The following PRDM5 variants were observed in gnomAD, a reference collection of about 807,000 sequenced individuals.
PRDM5 encodes the protein PR/SET domain 5.
In PRDM5, 56 loss-of-function variants were observed where a neutral mutation model predicts 81.2. That is an observed-to-expected ratio of 0.69 (90% CI 0.56 to 0.86). The LOEUF (loss-of-function observed/expected upper bound fraction) is 0.86. PRDM5 is among the 40% of genes least tolerant of loss of function. PRDM5 has a pLI of 0.00. For missense variants in PRDM5, 697 were observed against 770.1 expected (o/e 0.91, Z 1.12); for synonymous variants, 267 against 256.4 (o/e 1.04, Z -0.39).
chr4:120,833,999 A>G (rs1207555606), intron 3 of PRDM5, among the ~76,000 whole-genome samples: 1 of 152,176 alleles, frequency 6.6e-6, no homozygotes, highest in Non-Finnish European at 1.5e-5. Flanking sequence ...AAGCACTAAG[A>G]AAAGTAGATT....
chr4:120,884,019 T>C (rs1389963263), intron 2 of PRDM5, among the ~76,000 whole-genome samples: 3 of 152,148 alleles, frequency 2.0e-5, no homozygotes, highest in Non-Finnish European at 2.9e-5. Flanking sequence ...AAAACTGCTA[T>C]GAAAAATTCA....
intron 7 of PRDM5, chr4:120,812,983 T>C (rs1754047178): frequency 6.2e-6 from 1 of 161,264 alleles, no homozygotes; most frequent in African/African-American, 2.4e-5. Flanking sequence ...GCTGGGTTTT[T>C]TAAGATAGAA....
In PRDM5 at chr4:120,915,199, C is replaced by T. The variant is rs565289028; in HGVS notation, c.93+7317G>A. Among the ~76,000 whole-genome samples the T allele has an allele frequency of 7.2e-5, 11 of 152,182 alleles. No individual in the cohort carries two copies. In the South Asian group the frequency reaches 1.7e-3, roughly 23 times the overall value. On this transcript the variant is annotated intron_variant, in intron 1 of 15. Transcript: ENST00000264808. ...ACCAAGAAGGTTAGTAAGAGTATCA[C>T]TACTATCCTAACAATGAGAATGATA...
intron 12 of PRDM5, 112 bp downstream of exon 12, chr4:120,781,031 T>C (rs1748959049): frequency 3.1e-6 from 3 of 961,034 alleles, no homozygotes; most frequent in South Asian, 3.2e-5. Flanking sequence ...ATTTGTCATT[T>C]TGAGTAAATA....
At chr4:120,907,670 A>G (rs189614565) in intron 1 of PRDM5, 113 bp from the exon 2 acceptor site, 4 of 841,502 alleles carry the variant, frequency 4.8e-6, no homozygotes, top group South Asian at 2.8e-5. Flanking sequence ...CCCAAAGAAG[A>G]GATGCTTTTG....
intron 14 of PRDM5, among the ~76,000 whole-genome samples, chr4:120,716,227 A>G (rs1305285985): frequency 6.6e-6 from 1 of 152,232 alleles, no homozygotes; most frequent in Non-Finnish European, 1.5e-5. Context: ...CGTTGAAATT[A>G]TATTACCTTT....
At chr4:120,774,868 G>GTC (rs151074819) in intron 13 of PRDM5, among the ~76,000 whole-genome samples, 1,982 of 134,744 alleles carry the variant, frequency 0.015, 47 homozygotes, top group African/African-American at 0.052. Context: ...CTCCTTCTCT[G>GTC]TCTCTCTCTC....
intron 2 of PRDM5, among the ~76,000 whole-genome samples, chr4:120,862,021 T>C (rs1363053441): frequency 2.0e-5 from 3 of 152,252 alleles, no homozygotes; most frequent in Non-Finnish European, 4.4e-5. Flanking sequence ...ACCCAACCCA[T>C]TTAAATCTAA....
At chr4:120,774,888 C>CTATA (rs140501417) in intron 13 of PRDM5, among the ~76,000 whole-genome samples, 5,420 of 129,268 alleles carry the variant, frequency 0.042, 231 homozygotes, top group African/African-American at 0.11. Context: ...CTCTCTCTTT[C>CTATA]TATATATATA....
At chr4:120,776,537 C>A (rs76275344) in intron 13 of PRDM5, among the ~76,000 whole-genome samples, 30,174 of 152,108 alleles carry the variant, frequency 0.2, 3,658 homozygotes, top group Non-Finnish European at 0.28. Flanking sequence ...AATGTAAAAT[C>A]ATCTGGCTAT....
At chr4:120,725,867 C>G (rs1278092620) in intron 14 of PRDM5, among the ~76,000 whole-genome samples, 1 of 152,134 alleles carries the variant, frequency 6.6e-6, no homozygotes, top group Admixed American at 6.5e-5. Flanking sequence ...AAGAAGAATT[C>G]TGCTAACACA....
intron 2 of PRDM5, among the ~76,000 whole-genome samples, chr4:120,899,670 A>G (rs1765029498): frequency 6.6e-6 from 1 of 152,172 alleles, no homozygotes; most frequent in South Asian, 2.1e-4. Flanking sequence ...CTGGTGGATT[A>G]TTCAGATTAT....
At chr4:120,855,909 A>G (rs1017329280) in intron 2 of PRDM5, among the ~76,000 whole-genome samples, 4 of 152,232 alleles carry the variant, frequency 2.6e-5, no homozygotes, top group Admixed American at 2.6e-4. Flanking sequence ...GCCCTTCTTA[A>G]TCATACATTT....
intron 7 of PRDM5, among the ~76,000 whole-genome samples, chr4:120,812,059 C>T (rs1042400991): frequency 1.3e-5 from 2 of 152,104 alleles, no homozygotes; most frequent in Non-Finnish European, 2.9e-5. Context: ...AACCATCATT[C>T]TATTCTCTAT....
At chr4:120,762,316 T>C (rs1745740798) in intron 13 of PRDM5, 1 of 152,206 alleles carries the variant, frequency 6.6e-6, no homozygotes, top group Non-Finnish European at 1.5e-5. Flanking sequence ...AAATCAGTTT[T>C]AGAGATGGCA....
intron 1 of PRDM5, among the ~76,000 whole-genome samples, chr4:120,908,200 C>A (rs1766053543): frequency 6.6e-6 from 1 of 152,212 alleles, no homozygotes; most frequent in African/African-American, 2.4e-5. Context: ...GTCCTTCAAT[C>A]TACCCTGACG....
chr4:120,854,222 C>G (rs930805434), intron 2 of PRDM5, among the ~76,000 whole-genome samples: 3 of 152,166 alleles, frequency 2.0e-5, no homozygotes, highest in Non-Finnish European at 4.4e-5. Flanking sequence ...ACTCCAAAAG[C>G]AGGTAACCCA....
chr4:120,716,478 G>C (rs991996967), intron 14 of PRDM5, among the ~76,000 whole-genome samples: 1 of 152,050 alleles, frequency 6.6e-6, no homozygotes, highest in Non-Finnish European at 1.5e-5. Context: ...GCACATGAAG[G>C]CCCCACGAGC....
At chr4:120,716,977 CAGTT>C (rs1176037079) in intron 14 of PRDM5, among the ~76,000 whole-genome samples, 1 of 150,586 alleles carries the variant, frequency 6.6e-6, no homozygotes, top group Non-Finnish European at 1.5e-5. Flanking sequence ...ATGGTCAACA[CAGTT>C]AGAAGAACAG....
Sources: gnomAD v4.1 joint callset for allele counts (sites outside exome capture counted in the v4.1 genomes callset) on GRCh38, gnomAD v4.1.1 for gene constraint, MANE v1.5 for transcripts, NCBI Gene and HGNC (gene_info 2026-07-23, HGNC 2026-07-21) for gene names.